Variants in PTPN14 observed in about 807,000 individuals in gnomAD.
PTPN14 encodes the protein protein tyrosine phosphatase non-receptor type 14.
PTPN14 carries 53 observed loss-of-function variants against 126.8 expected under a neutral mutation model. That is an observed-to-expected ratio of 0.42 (90% CI 0.34 to 0.53). PTPN14 has a LOEUF of 0.53. Ranked by LOEUF, PTPN14 falls within the 20% of genes least tolerant of loss-of-function variation. The probability of loss-of-function intolerance (pLI) is 0.08; values close to 1 mark genes in which losing one functional copy is unlikely to be tolerated. For synonymous variants in PTPN14, 630 were observed against 599.3 expected (o/e 1.05, Z -0.75); for missense variants, 1,257 against 1,552.9 (o/e 0.81, Z 3.20).
At chr1:214,476,914 C>T in intron 1 of PTPN14, among the ~76,000 whole-genome samples, 1 of 152,204 alleles carries the variant, frequency 6.6e-6, no homozygotes, top group Non-Finnish European at 1.5e-5. Context: ...TCACGGAATA[C>T]TGCAGGAAAC....
At chr1:214,541,164 G>A (rs973398474) in intron 1 of PTPN14, among the ~76,000 whole-genome samples, 1 of 151,630 alleles carries the variant, frequency 6.6e-6, no homozygotes, top group African/African-American at 2.4e-5. Flanking sequence ...TAATAAAAAG[G>A]GAACATCAGA....
At chr1:214,526,209 G>A (rs1480247302) in intron 1 of PTPN14, among the ~76,000 whole-genome samples, 6 of 151,842 alleles carry the variant, frequency 4.0e-5, no homozygotes, top group East Asian at 1.9e-4. Flanking sequence ...CAGGTGATCC[G>A]CCTGCTTCCA....
At chr1:214,500,993 T>C (rs1476682730) in intron 1 of PTPN14, among the ~76,000 whole-genome samples, 1 of 152,178 alleles carries the variant, frequency 6.6e-6, no homozygotes, top group African/African-American at 2.4e-5. Context: ...AGATTCACCA[T>C]GCCCAAGAGC....
intron 11 of PTPN14, among the ~76,000 whole-genome samples, chr1:214,390,089 T>C (rs1363123091): frequency 6.6e-6 from 1 of 152,230 alleles, no homozygotes; most frequent in Non-Finnish European, 1.5e-5. Flanking sequence ...TGCTATAGTG[T>C]ATACACTGAA....
intron 3 of PTPN14, among the ~76,000 whole-genome samples, chr1:214,440,922 C>G (rs539293262): frequency 1.3e-5 from 2 of 152,320 alleles, no homozygotes; most frequent in South Asian, 4.1e-4. Flanking sequence ...ACAAAACCCA[C>G]CTGAAGACCA....
At chr1:214,519,972 G>A (rs1175679503) in intron 1 of PTPN14, among the ~76,000 whole-genome samples, 13 of 149,470 alleles carry the variant, frequency 8.7e-5, no homozygotes, top group Admixed American at 6.7e-4. Flanking sequence ...CCTTGAGCCC[G>A]CGGGGTTCGA....
chr1:214,414,854 G>A, intron 3 of PTPN14, 128 bp from the exon 4 acceptor site: 1 of 704,212 alleles, frequency 1.4e-6, no homozygotes, highest in Non-Finnish European at 2.4e-6. Flanking sequence ...GCTGATAAAG[G>A]TCATTTCTAT....
Position 214,378,029 on chromosome 1 carries a change from A to G in PTPN14, c.2618T>C (p.Leu873Pro). Residue 873 changes from leucine (L) to proline (P), a missense_variant, in exon 14 of 19, where the codon CTC (leucine) becomes CCC (proline). Physicochemically the swap from Leu to Pro is moderately conservative, Grantham distance 98. Around this residue, in one of 3 missense-constraint regions of PTPN14, gnomAD observed 1,021 missense variants for 1,183.3 expected, o/e 0.86. Coordinates refer to ENST00000366956, the MANE Select transcript of PTPN14 (RefSeq NM_005401.5). ...CCGCCCTGAGACTCGAGCCACCGAG[A>G]GCCCATTCAATGCTGCCAACATCAG... ...RPLMLAALNGLSVARVSGREE... is the reference protein window; with the variant it reads ...RPLMLAALNGPSVARVSGREE... 1 of 1,612,934 alleles carries G rather than the reference A, an allele frequency of 6.2e-7. No homozygotes were observed. Among genetic ancestry groups the G allele is most frequent in the Non-Finnish European group, 8.5e-7 (1 of 1,179,942 alleles).
chr1:214,544,689 T>C (rs1227037795), intron 1 of PTPN14, among the ~76,000 whole-genome samples: 1 of 151,704 alleles, frequency 6.6e-6, no homozygotes, highest in African/African-American at 2.4e-5. Flanking sequence ...AGGTGGAGGT[T>C]GCAGTGAGCC....
At chr1:214,544,246 T>C (rs879348891) in intron 1 of PTPN14, among the ~76,000 whole-genome samples, 3 of 151,316 alleles carry the variant, frequency 2.0e-5, no homozygotes, top group Admixed American at 6.6e-5. Context: ...GGTTTGAACA[T>C]AGGGAGACTC....
intron 4 of PTPN14, among the ~76,000 whole-genome samples, chr1:214,414,005 T>C (rs1659368752): frequency 6.6e-6 from 1 of 152,040 alleles, no homozygotes; most frequent in Non-Finnish European, 1.5e-5. Flanking sequence ...GCTTTCAGTA[T>C]AACTGAAGGC....
Position 214,349,771 on chromosome 1 carries a change from G to A in PTPN14, c.*8151C>T, listed in dbSNP as rs1177756362. 1 of 152,044 alleles carries A rather than the reference G, an allele frequency of 6.6e-6. No homozygotes were observed. The highest frequency in any genetic ancestry group is 1.9e-4 in the East Asian group (1 of 5,186). 9.4% of individuals were successfully genotyped at this position (152,044 alleles called of 1,614,324 possible). On this transcript the variant is annotated 3_prime_UTR_variant, in exon 19 of 19. Coordinates refer to ENST00000366956, the MANE Select transcript of PTPN14 (RefSeq NM_005401.5). ...ATGAATTTTTAAGATTCCAAACAGT[G>A]GCAAGAAAGTTCAAAGGAAATTGCA...
chr1:214,493,612 T>C (rs542289975), intron 1 of PTPN14, among the ~76,000 whole-genome samples: 2 of 152,312 alleles, frequency 1.3e-5, no homozygotes, highest in South Asian at 4.1e-4. Context: ...TTAGGAGAGA[T>C]GGCGAGAGAG....
At chr1:214,369,794 T>C in intron 16 of PTPN14, 103 bp from the exon 17 acceptor site, 2 of 1,034,134 alleles carry the variant, frequency 1.9e-6, no homozygotes, top group Non-Finnish European at 3.0e-6. Flanking sequence ...AGCTTCTAAA[T>C]CGCTAGTTCA....
At chr1:214,471,936 T>A (rs1161850005) in intron 1 of PTPN14, among the ~76,000 whole-genome samples, 1 of 152,160 alleles carries the variant, frequency 6.6e-6, no homozygotes, top group African/African-American at 2.4e-5. Context: ...CTTGGTCTTA[T>A]AAAATCCATG....
intron 5 of PTPN14, among the ~76,000 whole-genome samples, chr1:214,405,798 G>A (rs910445757): frequency 3.9e-5 from 6 of 152,178 alleles, no homozygotes; most frequent in African/African-American, 1.4e-4. Context: ...ATTTCACAAT[G>A]TATTATGTCT....
rs1373946301 is a variant in PTPN14, at chr1:214,501,010, AG to A, written c.-154-36054del. ...ATTCACCATGCCCAAGAGCAGCTTGAGAAAACTAAATATAGCAAAGATAAAA... is the reference window on the plus strand; with the variant it reads ...ATTCACCATGCCCAAGAGCAGCTTGAAAAACTAAATATAGCAAAGATAAAA... On this transcript the variant is annotated intron_variant, in intron 1 of 18. Coordinates refer to ENST00000366956, the MANE Select transcript of PTPN14 (RefSeq NM_005401.5). Among the ~76,000 whole-genome samples, 3 of 152,360 alleles carry A rather than the reference AG, an allele frequency of 2.0e-5. 1 individual carries two copies. The highest frequency in any genetic ancestry group is 7.2e-5 in the African/African-American group (3 of 41,584).
At chr1:214,375,751 C>T (rs1658328964) in intron 15 of PTPN14, among the ~76,000 whole-genome samples, 1 of 152,076 alleles carries the variant, frequency 6.6e-6, no homozygotes, top group African/African-American at 2.4e-5. Flanking sequence ...TTCTAAATAC[C>T]ATGCAATAAT....
chr1:214,420,224 G>T (rs1444675575), intron 3 of PTPN14, among the ~76,000 whole-genome samples: 2 of 152,134 alleles, frequency 1.3e-5, no homozygotes, highest in African/African-American at 2.4e-5. Context: ...CCCTTAAAAG[G>T]GAAAGTTTTT....
Sources: gnomAD v4.1 joint callset for allele counts (sites outside exome capture counted in the v4.1 genomes callset) on GRCh38, gnomAD v4.1.1 for gene constraint, gnomAD v4.1.1 regional missense constraint, MANE v1.5 for transcripts, NCBI Gene and HGNC (gene_info 2026-07-23, HGNC 2026-07-21) for gene names.